The following KAT5 variants were observed in gnomAD, a reference collection of about 807,000 sequenced individuals.
KAT5 encodes the protein lysine acetyltransferase 5.
In KAT5, 31 loss-of-function variants were observed where a neutral mutation model predicts 68.1. The ratio of observed to expected loss-of-function variants is 0.46; its 90% CI spans 0.34 to 0.61. The LOEUF is 0.61. Among genes scored for constraint, KAT5 ranks in the 20% least tolerant of loss-of-function variants. The pLI, the probability that KAT5 is intolerant of heterozygous loss-of-function variation, is 0.01. For synonymous variants in KAT5, 365 were observed against 292.6 expected, an observed-to-expected ratio of 1.25 and a Z score of -2.52; for missense variants, 451 against 725.5, an observed-to-expected ratio of 0.62 and a Z score of 4.35.
intron 6 of KAT5, chr11:65,714,143 A>G: frequency 2.0e-6 from 1 of 509,348 alleles, no homozygotes; most frequent in East Asian, 3.6e-5. Context: ...TACTAGAAAT[A>G]CAAAAATTAG....
intron 10 of KAT5, chr11:65,718,349 G>A: frequency 2.1e-6 from 1 of 476,726 alleles, no homozygotes; most frequent in Non-Finnish European, 3.8e-6. Context: ...TCACCCTCAT[G>A]GTTGACTGCA....
At chr11:65,712,041 C>G (rs1421640149), upstream of KAT5, 3 of 417,574 alleles carry the variant, frequency 7.2e-6, no homozygotes, top group East Asian at 1.1e-4. Context: ...AGTAGACCGC[C>G]ACTGGCTGTG....
chr11:65,712,561 T>G (rs561937939), intron 1 of KAT5, 116 bp downstream of exon 1: 1 of 1,339,440 alleles, frequency 7.5e-7, no homozygotes, highest in Admixed American at 2.5e-5. Context: ...GCGCAGATAC[T>G]TTGATGAAGG....
At chr11:65,719,006 C>T in intron 12 of KAT5, 41 bp from the exon 13 acceptor site, 1 of 1,614,034 alleles carries the variant, frequency 6.2e-7, no homozygotes, top group Non-Finnish European at 8.5e-7. Flanking sequence ...GTGCAGTCCT[C>T]TGTGGGCTGA....
Position 65,713,925 on chromosome 11 carries a change from G to A in KAT5, c.690+77G>A, listed in dbSNP as rs1857112987. On this transcript the variant is annotated intron_variant, in intron 6 of 12. Coordinates refer to ENST00000341318, the MANE Select transcript of KAT5 (RefSeq NM_182710.3). ...GCAGGGTGGAGAGTTATTTAGTGATGAGTTTAAAAATAAAGAAGGGGTGGT... is the reference window on the plus strand; with the variant it reads ...GCAGGGTGGAGAGTTATTTAGTGATAAGTTTAAAAATAAAGAAGGGGTGGT... 71 of 1,325,020 alleles carry A rather than the reference G, an allele frequency of 5.4e-5. 1 individual carries two copies. The South Asian group carries it at 8.8e-4, about 16-fold the overall frequency. 82.1% of individuals were successfully genotyped at this position (1,325,020 alleles called of 1,614,324 possible). A position where few individuals can be genotyped will look rare whatever the true frequency, so the allele number is the denominator to read the frequency against.
In KAT5 at chr11:65,719,332, G is replaced by A. The variant is rs886048496; in HGVS notation, c.*151G>A. On this transcript the variant is annotated 3_prime_UTR_variant, in exon 13 of 13. Transcript: ENST00000341318. ...AGGACAGGCCTGGCAGGGGCCCACT[G>A]GTGCCCAGCACCAAGGCGAGCTCCG... 2 of 975,452 alleles carry A rather than the reference G, an allele frequency of 2.1e-6. No individual in the cohort carries two copies. The highest frequency in any genetic ancestry group is 1.5e-6 in the Non-Finnish European group (1 of 676,812). The allele number at this position is 975,452 out of a possible 1,614,324, so 60.4% of individuals were successfully genotyped here.
At chr11:65,718,278 C>G (rs925082657) in intron 10 of KAT5, 2 of 270,196 alleles carry the variant, frequency 7.4e-6, no homozygotes, top group Non-Finnish European at 1.4e-5. Flanking sequence ...ATTGGAGGCC[C>G]CTTCTTCCCA....
intron 5 of KAT5, 39 bp downstream of exon 5, chr11:65,713,706 T>C: frequency 1.2e-6 from 2 of 1,613,820 alleles, no homozygotes; most frequent in Non-Finnish European, 1.7e-6. Context: ...CTTCCTCTCT[T>C]CTACTCTCTG....
At chr11:65,712,595 G>T (rs11824283) in intron 1 of KAT5, 150 bp downstream of exon 1, 3 of 1,210,998 alleles carry the variant, frequency 2.5e-6, no homozygotes, top group Non-Finnish European at 3.5e-6. Flanking sequence ...GCTGCTCCGA[G>T]AGGTACAGGG....
chr11:65,719,323 G>C lies in KAT5; in HGVS notation c.*142G>C. Reference sequence around the variant, plus strand: ...AAAAAGGAGAGGACAGGCCTGGCAGGGGCCCACTGGTGCCCAGCACCAAGG... The same window carrying C: ...AAAAAGGAGAGGACAGGCCTGGCAGCGGCCCACTGGTGCCCAGCACCAAGG... On this transcript the variant is annotated 3_prime_UTR_variant, in exon 13 of 13. Transcript: ENST00000341318. 1.9e-6 allele frequency: 2 copies of C among 1,046,914 alleles called. No homozygotes were observed. Among genetic ancestry groups the C allele is most frequent in the Non-Finnish European group, 2.7e-6 (2 of 740,566 alleles). 64.9% of individuals were successfully genotyped at this position (1,046,914 alleles called of 1,614,324 possible).
chr11:65,713,348 C>T lies in KAT5; in HGVS notation c.385C>T (p.Pro129Ser). ...GAAGACCCTGGACCTATCTCTACAG[C>T]CGGCCTCGGCGCAGGCCAGCGGGAA... ...SRPGSPEREVPASAQASGKTL... is the reference protein window; with the variant it reads ...SRPGSPEREVSASAQASGKTL... Residue 129 changes from proline (P) to serine (S), a missense_variant and splice_region_variant, in exon 4 of 13, where the codon CCG becomes TCG. This residue lies in a region of KAT5 where 135 missense variants were observed against 173.4 expected (regional missense o/e 0.78). Transcript: ENST00000341318. 1 of 1,613,998 alleles carries T rather than the reference C, an allele frequency of 6.2e-7. No individual in the cohort carries two copies. Among genetic ancestry groups the T allele is most frequent in the Non-Finnish European group, 8.5e-7 (1 of 1,179,932 alleles).
intron 10 of KAT5, chr11:65,717,349 A>T (rs1857232996): frequency 5.7e-6 from 2 of 349,214 alleles, no homozygotes; most frequent in Non-Finnish European, 1.1e-5. Flanking sequence ...ACCAGTGGCT[A>T]ATGTCCCCAG....
chr11:65,716,451 A>C, intron 8 of KAT5: 1 of 577,624 alleles, frequency 1.7e-6, no homozygotes, highest in Non-Finnish European at 3.1e-6. Context: ...GCACTCAGAC[A>C]CCATCACACA....
intron 8 of KAT5, chr11:65,715,181 T>C (rs987115836): frequency 3.2e-5 from 15 of 471,676 alleles, no homozygotes; most frequent in Admixed American, 2.7e-4. Context: ...CCAAAGGAGG[T>C]GGTCAGCAGA....
At chr11:65,713,160 CCT>C (rs1857081775) in intron 3 of KAT5, 102 bp downstream of exon 3, 1 of 1,478,754 alleles carries the variant, frequency 6.8e-7, no homozygotes, top group African/African-American at 1.4e-5. Context: ...TCCCTCTCAC[CCT>C]GACTTCATCT....
At position 65,712,869 on chromosome 11, in the gene KAT5, G is replaced by C. The variant is rs190174299; in HGVS notation, c.247+35G>C. The C allele has an allele frequency of 4.8e-5, 78 of 1,614,128 alleles. No individual in the cohort carries two copies. The African/African-American group carries it at 9.9e-4, about 20-fold the overall frequency. ...GGGCCTGAGGTGGGGCATCAGGGTA[G>C]GGTTGGGGGACAGTCTTTGGCATTC... On this transcript the variant is annotated intron_variant, in intron 2 of 12. Coordinates refer to ENST00000341318, the MANE Select transcript of KAT5 (RefSeq NM_182710.3).
chr11:65,719,573 T>G lies in KAT5; in HGVS notation c.*392T>G, dbSNP rs1193261582. 3 of 650,896 alleles carry G rather than the reference T, an allele frequency of 4.6e-6. No homozygotes were observed. Among genetic ancestry groups the G allele is most frequent in the Non-Finnish European group, 8.2e-6 (3 of 367,986 alleles). 40.3% of individuals were successfully genotyped at this position (650,896 alleles called of 1,614,324 possible). On this transcript the variant is annotated 3_prime_UTR_variant, in exon 13 of 13. Transcript: ENST00000341318. ...AATTTCTGGCTTCTCTTACCCCTATTGCCCCCGGCAATAAATTGTTTCTAT... is the reference window on the plus strand; with the variant it reads ...AATTTCTGGCTTCTCTTACCCCTATGGCCCCCGGCAATAAATTGTTTCTAT...
chr11:65,714,410 A>G lies in KAT5; in HGVS notation c.691-85A>G, dbSNP rs4645919. 3.0e-5 allele frequency: 45 copies of G among 1,512,178 alleles called. No homozygotes were observed. In the East Asian group the frequency reaches 9.7e-4, roughly 33 times the overall value. 93.7% of individuals were successfully genotyped at this position (1,512,178 alleles called of 1,614,324 possible). A position where few individuals can be genotyped will look rare whatever the true frequency, so the allele number is the denominator to read the frequency against. On this transcript the variant is annotated intron_variant, in intron 6 of 12. Coordinates refer to ENST00000341318, the MANE Select transcript of KAT5 (RefSeq NM_182710.3). ...CCCCTTAGGGTTGCTGTTAGGCTTG[A>G]AGGAAACCTGTCAAAGGGCTGTGAG...
At chr11:65,714,390 T>C in intron 6 of KAT5, 105 bp from the exon 7 acceptor site, 2 of 1,317,448 alleles carry the variant, frequency 1.5e-6, no homozygotes, top group Non-Finnish European at 2.1e-6. Flanking sequence ...ACCTCCCCCT[T>C]AGGGTTGCTG....
Sources: allele counts gnomAD v4.1 joint callset, GRCh38; gene constraint gnomAD v4.1.1; regional missense constraint gnomAD v4.1.1; transcripts MANE v1.5; gene names NCBI Gene and HGNC (gene_info 2026-07-23, HGNC 2026-07-21).